ERBB3: variants seen among roughly 807,000 people sequenced by gnomAD.
The protein encoded by ERBB3 is receptor tyrosine-protein kinase erbB-3.
A neutral mutation model predicts 156.7 loss-of-function variants in ERBB3; 96 were observed. The ratio of observed to expected loss-of-function variants is 0.61; its 90% CI spans 0.52 to 0.73. ERBB3 has a LOEUF of 0.73. Among genes scored for constraint, ERBB3 ranks in the 30% least tolerant of loss-of-function variants. The pLI is 0.00. For synonymous variants in ERBB3, 567 were observed against 632.0 expected, an observed-to-expected ratio of 0.90 and a Z score of 1.54; for missense variants, 1,406 against 1,709.4, an observed-to-expected ratio of 0.82 and a Z score of 3.13.
chr12:56,093,873 G>C lies in ERBB3; in HGVS notation c.1590G>C (p.Val530=), dbSNP rs55880327. The change falls in exon 13 of 28, where the codon GTG becomes GTC. Residue 530 remains valine (V), a synonymous_variant. Transcript: ENST00000267101. The part of the protein sequence containing the change: ...CRNYSRGGVC[V]THCNFLNGEP... ...ATTATAGCCGAGGAGGTGTCTGTGT[G>C]ACCCACTGCAACTTTCTGAATGGGT... 2,616 of 1,613,854 alleles carry C rather than the reference G, an allele frequency of 1.6e-3. 7 individuals are homozygous for C. The highest frequency in any genetic ancestry group is 4.8e-3 in the Middle Eastern group (29 of 6,062).
intron 20 of ERBB3, among the ~76,000 whole-genome samples, 160 bp from the exon 21 acceptor site, chr12:56,097,625 C>T (rs1427177239): frequency 2.0e-5 from 3 of 151,318 alleles, no homozygotes; most frequent in Non-Finnish European, 3.0e-5. Context: ...AACCAACCCT[C>T]CCCTTCCCCT....
Position 56,093,381 on chromosome 12 carries a change from T to C in ERBB3, c.1311T>C (p.Asn437=). The change falls in exon 12 of 28, where the codon AAT becomes AAC. Residue 437 remains asparagine, a synonymous_variant. Transcript: ENST00000267101. ...GFSLLIMKNL[N]VTSLGFRSLK... ...CATTGTTGATCATGAAGAACTTGAA[T>C]GTCACATCTCTGGGCTTCCGATCCC... 6.2e-7 allele frequency: 1 copy of C among 1,614,108 alleles called. No homozygotes were observed. Among genetic ancestry groups the C allele is most frequent in the Non-Finnish European group, 8.5e-7 (1 of 1,180,016 alleles).
chr12:56,080,545 C>T (rs1868341789), intron 1 of ERBB3, among the ~76,000 whole-genome samples, 163 bp downstream of exon 1: 1 of 152,216 alleles, frequency 6.6e-6, no homozygotes. Flanking sequence ...CTCGGGTTAT[C>T]GGCGTGGTCC....
At chr12:56,085,761 CAAAAAAAAAAAA>C (rs57274370) in intron 3 of ERBB3, 150 of 95,420 alleles carry the variant, frequency 1.6e-3, no homozygotes, top group Middle Eastern at 4.9e-3. Context: ...GACTCCGTCT[CAAAAAAAAAAAA>C]AAAAAAAAAA....
intron 3 of ERBB3, 160 bp downstream of exon 3, chr12:56,085,341 G>T: frequency 6.7e-7 from 1 of 1,489,106 alleles, no homozygotes; most frequent in Admixed American, 2.5e-5. Flanking sequence ...GCAATAGAGG[G>T]CCCCCAGTAG....
In ERBB3 at chr12:56,094,071, C is replaced by G. The variant is rs1461793617; in HGVS notation, c.1614-28C>G. 11 of 1,591,444 alleles carry G rather than the reference C, an allele frequency of 6.9e-6. No homozygotes were observed. The Admixed American group carries it at 1.7e-4, about 24-fold the overall frequency. ...ATGAAGGTCAGGACTTGGAAGTGACCCCCCCCTCCCTTTATTCCCCACTAC... is the reference window on the plus strand; with the variant it reads ...ATGAAGGTCAGGACTTGGAAGTGACGCCCCCCTCCCTTTATTCCCCACTAC... On this transcript the variant is annotated intron_variant, in intron 13 of 27. Transcript: ENST00000267101.
intron 9 of ERBB3, among the ~76,000 whole-genome samples, chr12:56,090,711 C>T (rs1868653181): frequency 6.6e-6 from 1 of 152,122 alleles, no homozygotes; most frequent in African/African-American, 2.4e-5. Context: ...CACACACACA[C>T]ACACACACAA....
rs1277007976 is a variant in ERBB3 at position 56,086,666 on chromosome 12, C to G, written c.547+10C>G. The G allele has an allele frequency of 3.1e-6, 5 of 1,613,834 alleles. No homozygotes were observed. The highest frequency in any genetic ancestry group is 4.2e-6 in the Non-Finnish European group (5 of 1,179,822). ...GACAATGGCAGAAGCTGTAAGTGGCCGTGATCAAGATTGCTCCCCAGTCCC... is the reference window on the plus strand; with the variant it reads ...GACAATGGCAGAAGCTGTAAGTGGCGGTGATCAAGATTGCTCCCCAGTCCC... On this transcript the variant is annotated intron_variant, in intron 4 of 27. Coordinates refer to ENST00000267101, the MANE Select transcript of ERBB3 (RefSeq NM_001982.4).
At position 56,082,375 on chromosome 12, in the gene ERBB3, C is replaced by A. The variant is rs575823381; in HGVS notation, c.83-1376C>A. 3.9e-5 allele frequency among the ~76,000 whole-genome samples: 6 copies of A among 152,266 alleles called. No homozygotes were observed. In the South Asian group the frequency reaches 1.2e-3, roughly 32 times the overall value. ...TGGGGTGGGGCTGTTCCAGAAATGA[C>A]TAACCTTCCTAGTCTCTTTCATTTC... On this transcript the variant is annotated intron_variant, in intron 1 of 27. Transcript: ENST00000267101.
chr12:56,097,663 C>T, intron 20 of ERBB3, 122 bp from the exon 21 acceptor site: 3 of 1,049,092 alleles, frequency 2.9e-6, no homozygotes, highest in East Asian at 4.7e-5. Flanking sequence ...CAAAACCAGT[C>T]CCTGGTGCCA....
chr12:56,085,370 G>C, intron 3 of ERBB3, 189 bp downstream of exon 3: 1 of 1,455,808 alleles, frequency 6.9e-7, no homozygotes, highest in Middle Eastern at 1.8e-4. Context: ...AGGGGCATCT[G>C]CTCCAGGGAA....
Position 56,085,023 on chromosome 12 carries a change from T to C in ERBB3, c.263T>C (p.Leu88Pro), listed in dbSNP as rs1182472176. 1 of 1,614,168 alleles carries C rather than the reference T, an allele frequency of 6.2e-7. No homozygotes were observed. Among genetic ancestry groups the C allele is most frequent in the African/African-American group, 1.3e-5 (1 of 75,040 alleles). ...ATTCGAGAAGTGACAGGCTATGTCC[T>C]CGTGGCCATGAATGAATTCTCTACT... ...QWIREVTGYV[L>P]VAMNEFSTLP... Residue 88 changes from leucine (L) to proline (P), a missense_variant, in exon 3 of 28, where the codon CTC becomes CCC. Coordinates refer to ENST00000267101, the MANE Select transcript of ERBB3 (RefSeq NM_001982.4).
At chr12:56,090,462 G>A (rs573486302) in intron 9 of ERBB3, among the ~76,000 whole-genome samples, 12 of 152,000 alleles carry the variant, frequency 7.9e-5, no homozygotes, top group Non-Finnish European at 1.3e-4. Context: ...TGGCCAACAT[G>A]GTGAAACCTC....
Position 56,097,812 on chromosome 12 carries a change from A to G in ERBB3, c.2488A>G (p.Met830Val), listed in dbSNP as rs1868938868. 2 of 1,613,882 alleles carry G rather than the reference A, an allele frequency of 1.2e-6. No homozygotes were observed. Among genetic ancestry groups the G allele is most frequent in the African/African-American group, 1.3e-5 (1 of 74,890 alleles). ...AATGTACTACCTTGAGGAACATGGTATGGTGCATAGAAACCTGGCTGCCCG... is the reference window on the plus strand; with the variant it reads ...AATGTACTACCTTGAGGAACATGGTGTGGTGCATAGAAACCTGGCTGCCCG... ...KGMYYLEEHG[M>V]VHRNLAARNV... The change falls in exon 21 of 28, where the codon ATG (methionine) becomes GTG (valine). Residue 830 changes from methionine (M) to valine (V), a missense_variant. Around this residue, in one of 3 missense-constraint regions of ERBB3, gnomAD observed 979 missense variants for 1,219.6 expected, o/e 0.80. Coordinates refer to ENST00000267101, the MANE Select transcript of ERBB3 (RefSeq NM_001982.4).
At chr12:56,084,885 G>A in intron 2 of ERBB3, 110 bp from the exon 3 acceptor site, 1 of 1,536,610 alleles carries the variant, frequency 6.5e-7, no homozygotes, top group Non-Finnish European at 8.8e-7. Flanking sequence ...AGGAAAGAAA[G>A]AAGGAAGAAT....
chr12:56,096,364 A>T (rs1302151537), intron 17 of ERBB3, 139 bp from the exon 18 acceptor site: 3 of 1,011,114 alleles, frequency 3.0e-6, no homozygotes. Flanking sequence ...ATATGCCTAT[A>T]ATCCATTCCA....
Position 56,087,657 on chromosome 12 carries a change from C to T in ERBB3, c.613+15C>T. On this transcript the variant is annotated intron_variant, in intron 5 of 27. Coordinates refer to ENST00000267101, the MANE Select transcript of ERBB3 (RefSeq NM_001982.4). ...CTGCCAGACATGTGGGTTTGAAATT[C>T]CCTCCAAAAACTTCACTCATACGCT... The T allele has an allele frequency of 6.2e-7, 1 of 1,613,590 alleles. No individual in the cohort carries two copies. Among genetic ancestry groups the T allele is most frequent in the Non-Finnish European group, 8.5e-7 (1 of 1,179,508 alleles).
At chr12:56,085,307 G>A (rs779965253) in intron 3 of ERBB3, 126 bp downstream of exon 3, 9 of 1,573,310 alleles carry the variant, frequency 5.7e-6, no homozygotes, top group Admixed American at 3.7e-5. Context: ...CTTGGCCGCT[G>A]TCTAAAGGTC....
At chr12:56,100,293 A>T in intron 26 of ERBB3, 48 bp downstream of exon 26, 1 of 1,413,344 alleles carries the variant, frequency 7.1e-7, no homozygotes, top group African/African-American at 1.4e-5. Flanking sequence ...GATTGATACG[A>T]GTAGTATGGA....
Sources: gnomAD v4.1 joint callset for allele counts (sites outside exome capture counted in the v4.1 genomes callset) on GRCh38, gnomAD v4.1.1 for gene constraint, gnomAD v4.1.1 regional missense constraint, MANE v1.5 for transcripts, NCBI Gene and HGNC (gene_info 2026-07-23, HGNC 2026-07-21) for gene names.